Variants in FGF13 observed in about 807,000 individuals in gnomAD.
The protein encoded by FGF13 is fibroblast growth factor 13, also known as fibroblast growth factor homologous factor 2.
A neutral mutation model predicts 19.5 loss-of-function variants in FGF13; 2 were observed. The ratio of observed to expected loss-of-function variants is 0.10; its 90% CI spans 0.04 to 0.32. FGF13 has a LOEUF of 0.32. Among genes scored for constraint, FGF13 ranks in the 10% least tolerant of loss-of-function variants. The pLI is 1.00. For synonymous variants in FGF13, 72 were observed against 76.9 expected (o/e 0.94, Z 0.33); for missense variants, 113 against 192.7 (o/e 0.59, Z 2.45).
At chrX:138,962,134 AAAC>A (rs1367619343) in intron 1 of FGF13, among the ~76,000 whole-genome samples, 1 of 112,311 alleles carries the variant, frequency 8.9e-6, no homozygotes, top group Non-Finnish European at 1.9e-5. Flanking sequence ...CAAAGAACTT[AAAC>A]AAATTTACAA....
At chrX:139,000,317 T>C (rs750847504) in intron 1 of FGF13, among the ~76,000 whole-genome samples, 1 of 111,884 alleles carries the variant, frequency 8.9e-6, no homozygotes, top group Admixed American at 9.5e-5. Flanking sequence ...TTCAACATAG[T>C]ATTGTAAGTT....
rs145194417 is a variant in FGF13 at position 138,813,703 on chromosome X, T to C, written c.217+43809A>G. 8.8e-3 allele frequency among the ~76,000 whole-genome samples: 987 copies of C among 112,246 alleles called. 8 individuals carry two copies. The highest frequency in any genetic ancestry group is 0.03 in the African/African-American group (918 of 31,008). ...TTTTTCCTGACTTTCACCTATGCAA[T>C]TCCACTTTTAAGACTCAGTGCAGAA... On this transcript the variant is annotated intron_variant, in intron 3 of 6. Transcript: ENST00000436198.
In FGF13 at chrX:138,698,802, G is replaced by T. The variant is rs530783769; in HGVS notation, c.402+4182C>A. On this transcript the variant is annotated intron_variant, in intron 3 of 4. Transcript: ENST00000315930. ...TCAGCAAACTTTCTGGGAGGTAAAG[G>T]GGACAAGTTATTTAGTAAATAATTT... Among the ~76,000 whole-genome samples, 3 of 111,583 alleles carry T rather than the reference G, an allele frequency of 2.7e-5. No individual in the cohort carries two copies. In the South Asian group the frequency reaches 1.1e-3, roughly 42 times the overall value.
At chrX:139,047,061 A>G (rs187235647) in intron 1 of FGF13, among the ~76,000 whole-genome samples, 1 of 112,474 alleles carries the variant, frequency 8.9e-6, no homozygotes, top group Non-Finnish European at 1.9e-5. Flanking sequence ...TATCTACCTC[A>G]TGGGATCTGA....
chrX:138,879,058 C>T (rs2091408237), intron 1 of FGF13, among the ~76,000 whole-genome samples: 2 of 111,118 alleles, frequency 1.8e-5, no homozygotes, highest in South Asian at 3.8e-4. Flanking sequence ...ATCTTTGTCA[C>T]ATGAGTAGGT....
intron 3 of FGF13, among the ~76,000 whole-genome samples, chrX:138,677,358 A>G (rs1216008359): frequency 9.1e-6 from 1 of 110,171 alleles, no homozygotes; most frequent in Non-Finnish European, 1.9e-5. Context: ...GCTTCTGCAC[A>G]GCAAAAGAAA....
In FGF13 at chrX:138,630,157, T is replaced by C. The variant is rs1328840632; in HGVS notation, c.*2693A>G. ...AACACCACTGTCTGTTTAAAGCAAC[T>C]TTAAGGCAGCTCAAAAAGAATGCTG... On this transcript the variant is annotated 3_prime_UTR_variant, in exon 5 of 5. Coordinates refer to ENST00000315930, the MANE Select transcript of FGF13 (RefSeq NM_004114.5). The C allele has an allele frequency of 1.8e-5, 2 of 110,978 alleles. No homozygotes were observed. Among genetic ancestry groups the C allele is most frequent in the Non-Finnish European group, 3.8e-5 (2 of 53,069 alleles). The allele number at this position is 110,978 out of a possible 1,213,427, so 9.1% of individuals were successfully genotyped here.
At chrX:138,877,204 C>T (rs917502865) in intron 1 of FGF13, among the ~76,000 whole-genome samples, 1 of 107,942 alleles carries the variant, frequency 9.3e-6, no homozygotes, top group African/African-American at 3.4e-5. Flanking sequence ...ATGTAACAAA[C>T]TGCACGTTCT....
chrX:138,939,274 A>G (rs475819), intron 1 of FGF13, among the ~76,000 whole-genome samples: 12,856 of 111,446 alleles, frequency 0.12, 912 homozygotes, highest in African/African-American at 0.26. Flanking sequence ...CCAAAGATCA[A>G]CTGACCCAGA....
chrX:139,138,304 A>G (rs2083815485), intron 1 of FGF13, among the ~76,000 whole-genome samples: 1 of 112,007 alleles, frequency 8.9e-6, no homozygotes, highest in Non-Finnish European at 1.9e-5. Flanking sequence ...CTGCTTTACT[A>G]CAAAGCCCAA....
chrX:138,984,623 A>AAGAGGAGGAG (rs2091984485), intron 1 of FGF13, among the ~76,000 whole-genome samples: 2 of 23,799 alleles, frequency 8.4e-5, no homozygotes, highest in African/African-American at 1.4e-4. Context: ...AGGATGAGGA[A>AAGAGGAGGAG]GAGGAGGAGG....
rs193159925 is a variant in FGF13 at position 139,063,967 on chromosome X, C to T, written c.-113+139449G>A. On this transcript the variant is annotated intron_variant, in intron 1 of 2. Transcript: ENST00000421460. ...TAAAATTCCCCAGTATGACTGTGTACTCATCAACTTCTCCTTATAATTCTG... is the reference window on the plus strand; with the variant it reads ...TAAAATTCCCCAGTATGACTGTGTATTCATCAACTTCTCCTTATAATTCTG... 6.3e-5 allele frequency among the ~76,000 whole-genome samples: 7 copies of T among 111,253 alleles called. No homozygotes were observed. In the East Asian group the frequency reaches 1.7e-3, roughly 27 times the overall value.
In FGF13 at chrX:138,785,903, A is replaced by C. The variant is rs1401369431; in HGVS notation, c.217+71609T>G. Among the ~76,000 whole-genome samples the C allele has an allele frequency of 2.7e-5, 3 of 111,836 alleles. No homozygotes were observed. The East Asian group carries it at 8.4e-4, about 31-fold the overall frequency. On this transcript the variant is annotated intron_variant, in intron 3 of 6. Transcript: ENST00000436198. ...TTCTTACCCACAAATCATCTCTCCC[A>C]GCAATTTCTAGTTGCTCACATAAGA...
chrX:138,923,196 A>G (rs752890898), intron 1 of FGF13, among the ~76,000 whole-genome samples: 81 of 111,918 alleles, frequency 7.2e-4, no homozygotes, highest in Non-Finnish European at 9.6e-4. Context: ...TTGTGTGTTC[A>G]TATCTATGGT....
In FGF13 at chrX:138,677,413, T is replaced by G. The variant is rs1227657794; in HGVS notation, c.402+25571A>C. 4.5e-5 allele frequency among the ~76,000 whole-genome samples: 5 copies of G among 109,904 alleles called. No individual in the cohort carries two copies. In the East Asian group the frequency reaches 1.4e-3, roughly 31 times the overall value. ...GCAACCTACAAAATGGGAGAAAATT[T>G]TCACAACCTACTCATCTGACAAAGG... On this transcript the variant is annotated intron_variant, in intron 3 of 4. Transcript: ENST00000315930.
chrX:138,826,909 A>G (rs1569405163), intron 3 of FGF13, among the ~76,000 whole-genome samples: 1 of 112,437 alleles, frequency 8.9e-6, no homozygotes, highest in East Asian at 2.8e-4. Flanking sequence ...TTATGGCACT[A>G]CACTGGTACA....
intron 3 of FGF13, among the ~76,000 whole-genome samples, chrX:138,756,827 C>T (rs887741550): frequency 9.0e-6 from 1 of 111,439 alleles, no homozygotes; most frequent in Non-Finnish European, 1.9e-5. Context: ...AACATGCCAT[C>T]CATATTTCTG....
chrX:138,927,495 A>G (rs2091679848), intron 1 of FGF13, among the ~76,000 whole-genome samples: 2 of 112,262 alleles, frequency 1.8e-5, no homozygotes, highest in Admixed American at 9.4e-5. Flanking sequence ...ATTTAACAGT[A>G]TCATTGTTCA....
intron 1 of FGF13, among the ~76,000 whole-genome samples, chrX:138,731,031 T>C (rs2090226408): frequency 9.0e-6 from 1 of 111,470 alleles, no homozygotes; most frequent in South Asian, 3.7e-4. Context: ...CAAATTCCTA[T>C]ATGTGTGTGT....
Sources: gnomAD v4.1 joint callset for allele counts (sites outside exome capture counted in the v4.1 genomes callset) on GRCh38, gnomAD v4.1.1 for gene constraint, MANE v1.5 for transcripts, NCBI Gene and HGNC (gene_info 2026-07-23, HGNC 2026-07-21) for gene names.